Variants in ZDHHC21 observed in about 807,000 individuals in gnomAD.
ZDHHC21 encodes the protein palmitoyltransferase ZDHHC21.
A neutral mutation model predicts 34.6 loss-of-function variants in ZDHHC21; 15 were observed. The observed-to-expected ratio is 0.43, with a 90% CI of 0.29 to 0.67. The LOEUF is 0.67. Among genes scored for constraint, ZDHHC21 ranks in the 30% least tolerant of loss-of-function variants. The pLI is 0.14. For synonymous variants in ZDHHC21, 142 were observed against 101.8 expected (o/e 1.40, Z -2.38); for missense variants, 344 against 327.7 (o/e 1.05, Z -0.38).
At chr9:14,595,621 G>C in the ZDHHC21 span, among the ~76,000 whole-genome samples, 1 of 152,138 alleles carries the variant, frequency 6.6e-6, no homozygotes. Flanking sequence ...AGGCATGTAA[G>C]TAACAAACAG....
intron 8 of ZDHHC21, among the ~76,000 whole-genome samples, chr9:14,628,896 A>G (rs1826803143): frequency 6.6e-6 from 1 of 152,178 alleles, no homozygotes; most frequent in Admixed American, 6.6e-5. Context: ...TAAATAATCA[A>G]GCCTCAAAGA....
chr9:14,659,930 T>C (rs1044443611), intron 6 of ZDHHC21, among the ~76,000 whole-genome samples: 2 of 152,198 alleles, frequency 1.3e-5, no homozygotes, highest in Non-Finnish European at 2.9e-5. Flanking sequence ...AGATGACTTA[T>C]CATTGTTCCA....
the ZDHHC21 span, among the ~76,000 whole-genome samples, chr9:14,599,726 C>G: frequency 6.6e-6 from 1 of 152,176 alleles, no homozygotes; most frequent in Non-Finnish European, 1.5e-5. Flanking sequence ...GCCACCAGCA[C>G]AGCAGTCTGA....
At chr9:14,636,912 G>A (rs1437403405) in intron 8 of ZDHHC21, among the ~76,000 whole-genome samples, 1 of 152,038 alleles carries the variant, frequency 6.6e-6, no homozygotes. Flanking sequence ...GCAGTGCTAG[G>A]AGGGAAGTTT....
chr9:14,676,046 C>T (rs565337644), intron 3 of ZDHHC21, among the ~76,000 whole-genome samples: 1 of 152,062 alleles, frequency 6.6e-6, no homozygotes, highest in African/African-American at 2.4e-5. Context: ...AATGCTAAGA[C>T]TGAATTCTTC....
At chr9:14,639,852 G>C (rs747665673) in intron 8 of ZDHHC21, 44 bp downstream of exon 8, 3 of 1,133,318 alleles carry the variant, frequency 2.6e-6, no homozygotes, top group Non-Finnish European at 3.8e-6. Context: ...TCATAATTAG[G>C]TAATATATTC....
intron 5 of ZDHHC21, among the ~76,000 whole-genome samples, chr9:14,669,090 C>T (rs1199669366): frequency 3.6e-5 from 5 of 137,922 alleles, no homozygotes; most frequent in South Asian, 5.5e-4. Flanking sequence ...AGACAATTTT[C>T]GCAACCTACT....
At chr9:14,600,506 CACAA>C in the ZDHHC21 span, among the ~76,000 whole-genome samples, 3 of 152,206 alleles carry the variant, frequency 2.0e-5, no homozygotes, top group African/African-American at 7.2e-5. Context: ...TCAGAGAGGA[CACAA>C]ACAAATGATA....
intron 8 of ZDHHC21, among the ~76,000 whole-genome samples, chr9:14,624,437 T>C (rs1244002533): frequency 1.3e-5 from 2 of 152,052 alleles, no homozygotes; most frequent in African/African-American, 2.4e-5. Flanking sequence ...TAACAGCAGA[T>C]GAATAAAGTA....
At chr9:14,639,135 T>A (rs1828841264) in intron 8 of ZDHHC21, among the ~76,000 whole-genome samples, 2 of 151,986 alleles carry the variant, frequency 1.3e-5, no homozygotes, top group South Asian at 4.1e-4. Context: ...GAATGAATTT[T>A]AAAAATCTGG....
rs569062568 is a variant in ZDHHC21, at chr9:14,621,127, T to C, written c.622-1445A>G. ...ATAGTAACACATTGTTCCAAAGCAATTAAAACAACTTACACAAAAGTACGA... is the reference window on the plus strand; with the variant it reads ...ATAGTAACACATTGTTCCAAAGCAACTAAAACAACTTACACAAAAGTACGA... On this transcript the variant is annotated intron_variant, in intron 8 of 9. Transcript: ENST00000380916. 3.9e-5 allele frequency among the ~76,000 whole-genome samples: 6 copies of C among 152,030 alleles called. No homozygotes were observed. The South Asian group carries it at 1.2e-3, about 32-fold the overall frequency.
intron 5 of ZDHHC21, among the ~76,000 whole-genome samples, 180 bp downstream of exon 5, chr9:14,672,650 G>A (rs780269062): frequency 6.6e-6 from 1 of 152,066 alleles, no homozygotes; most frequent in East Asian, 1.9e-4. Context: ...AACTGCCGGG[G>A]TGCAGGGGGA....
intron 8 of ZDHHC21, among the ~76,000 whole-genome samples, chr9:14,630,039 C>T (rs187610957): frequency 1.7e-3 from 264 of 152,202 alleles, no homozygotes; most frequent in Middle Eastern, 6.8e-3. Flanking sequence ...AGAGAGACTC[C>T]ATCCCAAAAC....
intron 5 of ZDHHC21, among the ~76,000 whole-genome samples, chr9:14,666,553 T>C (rs1210122369): frequency 9.8e-6 from 1 of 101,782 alleles, no homozygotes; most frequent in Non-Finnish European, 2.2e-5. Context: ...TACATTTTTT[T>C]CAGCACCACA....
chr9:14,689,011 C>T (rs887015099), intron 2 of ZDHHC21, among the ~76,000 whole-genome samples: 1 of 152,178 alleles, frequency 6.6e-6, no homozygotes, highest in East Asian at 1.9e-4. Context: ...GACTGCACTG[C>T]ACTCCAGCCT....
At chr9:14,595,938 A>G in the ZDHHC21 span, among the ~76,000 whole-genome samples, 2 of 152,250 alleles carry the variant, frequency 1.3e-5, no homozygotes, top group African/African-American at 4.8e-5. Flanking sequence ...AGTACTGGAA[A>G]AGACACGGAG....
At chr9:14,634,722 A>C (rs895744090) in intron 8 of ZDHHC21, among the ~76,000 whole-genome samples, 1 of 152,206 alleles carries the variant, frequency 6.6e-6, no homozygotes, top group Non-Finnish European at 1.5e-5. Context: ...AGCAAATTCA[A>C]AAAATTGGAA....
chr9:14,677,879 T>C (rs1288618794), intron 3 of ZDHHC21, among the ~76,000 whole-genome samples: 1 of 152,106 alleles, frequency 6.6e-6, no homozygotes, highest in Non-Finnish European at 1.5e-5. Flanking sequence ...CAAGTCACCA[T>C]GAAAATGACA....
chr9:14,649,495 T>C (rs1321958186), intron 7 of ZDHHC21, among the ~76,000 whole-genome samples: 2 of 152,072 alleles, frequency 1.3e-5, no homozygotes, highest in African/African-American at 2.4e-5. Flanking sequence ...CTAAAGTTTA[T>C]TATATTCTAA....
Sources: allele counts gnomAD v4.1 joint callset (sites outside exome capture counted in the v4.1 genomes callset), GRCh38; gene constraint gnomAD v4.1.1; transcripts MANE v1.5; gene names NCBI Gene and HGNC (gene_info 2026-07-23, HGNC 2026-07-21).